NRG1: variants seen among roughly 807,000 people sequenced by gnomAD.
NRG1 encodes the protein neuregulin 1.
In NRG1, 18 loss-of-function variants were observed where a neutral mutation model predicts 63.8. The observed-to-expected ratio is 0.28, with a 90% confidence interval of 0.19 to 0.42. The LOEUF (loss-of-function observed/expected upper bound fraction) is 0.42. Ranked by LOEUF, NRG1 falls within the 10% of genes least tolerant of loss-of-function variation. NRG1 has a pLI of 1.00. For missense variants in NRG1, 762 were observed against 814.7 expected (o/e 0.94, Z 0.79); for synonymous variants, 302 against 301.3 (o/e 1.00, Z -0.02).
chr8:32,124,262 T>G (rs1380764918), intron 1 of NRG1, among the ~76,000 whole-genome samples: 3 of 151,902 alleles, frequency 2.0e-5, no homozygotes, highest in African/African-American at 7.2e-5. Flanking sequence ...AATCAAATCC[T>G]CAGAGCCAAG....
chr8:32,761,693 G>A (rs1408518853), intron 11 of NRG1, among the ~76,000 whole-genome samples: 1 of 151,544 alleles, frequency 6.6e-6, no homozygotes. Flanking sequence ...AGTTCCATGG[G>A]TAGGGATGAC....
intron 1 of NRG1, among the ~76,000 whole-genome samples, chr8:32,386,055 G>C (rs982679574): frequency 6.6e-6 from 1 of 152,192 alleles, no homozygotes; most frequent in African/African-American, 2.4e-5. Context: ...TGTCTATGCT[G>C]TCATAGGTCT....
At chr8:31,863,254 G>A (rs73671931) in intron 1 of NRG1, among the ~76,000 whole-genome samples, 478 of 152,262 alleles carry the variant, frequency 3.1e-3, no homozygotes, top group African/African-American at 0.011. Context: ...CATTCTCATA[G>A]CTATAGAATT....
intron 1 of NRG1, among the ~76,000 whole-genome samples, chr8:32,075,765 C>A (rs1218982550): frequency 2.1e-5 from 3 of 142,318 alleles, no homozygotes; most frequent in Admixed American, 7.2e-5. Context: ...CTCCACCTCC[C>A]AGGTTCAAGC....
At chr8:31,857,048 G>A (rs918811879) in intron 1 of NRG1, among the ~76,000 whole-genome samples, 11 of 152,326 alleles carry the variant, frequency 7.2e-5, no homozygotes, top group African/African-American at 2.6e-4. Flanking sequence ...AGTCTGCAGA[G>A]GTAACTGCTG....
chr8:32,159,855 C>A (rs570176271), intron 1 of NRG1, among the ~76,000 whole-genome samples: 96 of 152,202 alleles, frequency 6.3e-4, no homozygotes, highest in African/African-American at 2.1e-3. Flanking sequence ...TCAACCGTTT[C>A]ATGATGTGCT....
chr8:32,205,075 T>C (rs555673223), intron 1 of NRG1, among the ~76,000 whole-genome samples: 2 of 152,260 alleles, frequency 1.3e-5, no homozygotes, highest in Admixed American at 1.3e-4. Context: ...ATTGGAGAAG[T>C]AGACGTGATA....
chr8:32,066,719 A>G lies in NRG1; in HGVS notation c.37+427288A>G, dbSNP rs955342037. Among the ~76,000 whole-genome samples the G allele has an allele frequency of 6.6e-5, 10 of 152,268 alleles. No homozygotes were observed. In the East Asian group the frequency reaches 1.4e-3, roughly 21 times the overall value. On this transcript the variant is annotated intron_variant, in intron 1 of 10. Transcript: ENST00000519301. ...CTTTAAAGTAGTTTTTTCCAATTCT[A>G]TGAAGAAAGGCATTGGTAGCTTGAT...
intron 1 of NRG1, among the ~76,000 whole-genome samples, chr8:31,922,878 A>G (rs1267618828): frequency 6.7e-6 from 1 of 148,800 alleles, no homozygotes; most frequent in Non-Finnish European, 1.5e-5. Flanking sequence ...GGGAAGGAGG[A>G]AAAAAAAGGA....
At chr8:32,571,428 A>G (rs1291971712) in intron 1 of NRG1, among the ~76,000 whole-genome samples, 1 of 152,162 alleles carries the variant, frequency 6.6e-6, no homozygotes, top group African/African-American at 2.4e-5. Flanking sequence ...GTGGTTTTAC[A>G]GCACCCATGA....
At chr8:31,996,705 C>T (rs907508786) in intron 1 of NRG1, among the ~76,000 whole-genome samples, 1 of 151,886 alleles carries the variant, frequency 6.6e-6, no homozygotes, top group African/African-American at 2.4e-5. Flanking sequence ...CAGAGAAAGA[C>T]CCTGTCTTCA....
At chr8:31,683,549 C>T (rs1156464337) in intron 1 of NRG1, among the ~76,000 whole-genome samples, 1 of 151,988 alleles carries the variant, frequency 6.6e-6, no homozygotes, top group Non-Finnish European at 1.5e-5. Flanking sequence ...GGGAGGGAAG[C>T]GTGAGTAGGC....
intron 5 of NRG1, among the ~76,000 whole-genome samples, chr8:32,618,327 G>A (rs1022681088): frequency 6.6e-6 from 1 of 151,874 alleles, no homozygotes; most frequent in Non-Finnish European, 1.5e-5. Context: ...CTTGTAATTG[G>A]AACCCTTCAT....
At chr8:31,871,707 T>C (rs1829501857) in intron 1 of NRG1, among the ~76,000 whole-genome samples, 1 of 152,196 alleles carries the variant, frequency 6.6e-6, no homozygotes, top group Admixed American at 6.5e-5. Flanking sequence ...AAAATTTTCT[T>C]AACCTTAATA....
chr8:32,500,078 C>T (rs1179357978), intron 1 of NRG1, among the ~76,000 whole-genome samples: 1 of 152,168 alleles, frequency 6.6e-6, no homozygotes, highest in Non-Finnish European at 1.5e-5. Flanking sequence ...TGATCAAAAA[C>T]AATCAAAGTA....
At chr8:32,712,337 C>G (rs1366586923) in intron 5 of NRG1, among the ~76,000 whole-genome samples, 1 of 152,142 alleles carries the variant, frequency 6.6e-6, no homozygotes, top group Non-Finnish European at 1.5e-5. Flanking sequence ...AAAGAGTCTA[C>G]TAGCCTTACA....
chr8:32,559,174 C>G (rs1430585758), intron 1 of NRG1, among the ~76,000 whole-genome samples: 2 of 132,948 alleles, frequency 1.5e-5, no homozygotes, highest in African/African-American at 5.6e-5. Context: ...CATTAATTTA[C>G]AGAGAGAAAT....
intron 1 of NRG1, among the ~76,000 whole-genome samples, chr8:32,512,539 A>C (rs898055960): frequency 6.6e-6 from 1 of 152,230 alleles, no homozygotes; most frequent in African/African-American, 2.4e-5. Context: ...CATTCTTCTA[A>C]GTGCCATTAT....
chr8:31,684,590 C>A (rs1808668932), intron 1 of NRG1, among the ~76,000 whole-genome samples: 1 of 152,124 alleles, frequency 6.6e-6, no homozygotes, highest in Admixed American at 6.5e-5. Context: ...CACAAGGCTT[C>A]CAGGTGATTC....
Sources: gnomAD v4.1 joint callset for allele counts (sites outside exome capture counted in the v4.1 genomes callset) on GRCh38, gnomAD v4.1.1 for gene constraint, MANE v1.5 for transcripts, NCBI Gene and HGNC (gene_info 2026-07-23, HGNC 2026-07-21) for gene names.